POLN: variants seen among roughly 807,000 people sequenced by gnomAD.
POLN encodes DNA polymerase nu, also known as DNA polymerase N.
POLN carries 108 observed loss-of-function variants against 113.5 expected under a neutral mutation model. The ratio of observed to expected loss-of-function variants is 0.95; its 90% confidence interval spans 0.81 to 1.12. The LOEUF is 1.12. Among genes scored for constraint, POLN ranks in the 50% most tolerant of loss-of-function variants. The pLI is 0.00. For synonymous variants in POLN, 386 were observed against 391.5 expected, an observed-to-expected ratio of 0.99 and a Z score of 0.17; for missense variants, 1,097 against 1,077.1, an observed-to-expected ratio of 1.02 and a Z score of -0.26.
intron 5 of POLN, 88 bp from the exon 6 acceptor site, chr4:2,198,805 G>A: frequency 8.1e-7 from 1 of 1,241,092 alleles, no homozygotes; most frequent in Non-Finnish European, 1.1e-6. Context: ...GAGAGAAAGA[G>A]AAAAGGCCTA....
chr4:2,233,324 A>G (rs1375358578), intron 2 of POLN, among the ~76,000 whole-genome samples: 1 of 152,200 alleles, frequency 6.6e-6, no homozygotes, highest in Non-Finnish European at 1.5e-5. Context: ...TAATAGAAAC[A>G]CAAGTTAAAA....
rs758425624 is a variant in POLN, at chr4:2,207,986, C to G, written c.714+1G>C. The G allele has an allele frequency of 2.5e-6, 4 of 1,591,926 alleles. No homozygotes were observed. The highest frequency in any genetic ancestry group is 1.2e-5 in the South Asian group (1 of 86,724). The stretch of plus-strand genomic sequence containing the variant: ...AAATAAAAACATCACTGTTTACTAA[C>G]CTGGTCAGCTCCTAGCTGGGTGGAA... On this transcript the variant is annotated splice_donor_variant, in intron 5 of 25. Transcript: ENST00000511885. LOFTEE classifies it high-confidence loss of function.
rs116500431 is a variant in POLN, at chr4:2,221,514, A to G, written c.133+7585T>C. ...TTTATGTAAAAATACAGATTCACTA[A>G]ATTGTGTATTCAGTGGAAGGCTGAT... On this transcript the variant is annotated intron_variant, in intron 3 of 25. Coordinates refer to ENST00000511885, the MANE Select transcript of POLN (RefSeq NM_181808.4). 2.1e-3 allele frequency among the ~76,000 whole-genome samples: 321 copies of G among 152,216 alleles called. 1 individual carries two copies. The highest frequency in any genetic ancestry group is 7.2e-3 in the African/African-American group (301 of 41,528).
intron 20 of POLN, among the ~76,000 whole-genome samples, chr4:2,091,700 C>T (rs536797713): frequency 6.6e-5 from 10 of 152,222 alleles, no homozygotes; most frequent in African/African-American, 2.2e-4. Context: ...AAATCCTACA[C>T]GAACACACAA....
chr4:2,204,347 T>C (rs1017513364), intron 5 of POLN, among the ~76,000 whole-genome samples: 3 of 152,072 alleles, frequency 2.0e-5, no homozygotes, highest in Non-Finnish European at 4.4e-5. Context: ...CTAGAGGATA[T>C]GGATAAATTC....
chr4:2,125,688 C>T (rs993795873), intron 19 of POLN, among the ~76,000 whole-genome samples: 1 of 152,154 alleles, frequency 6.6e-6, no homozygotes, highest in Non-Finnish European at 1.5e-5. Context: ...AGCTGATGGG[C>T]TGAGCGGAGA....
At chr4:2,197,039 G>A (rs888972873) in intron 6 of POLN, among the ~76,000 whole-genome samples, 1 of 152,206 alleles carries the variant, frequency 6.6e-6, no homozygotes, top group Non-Finnish European at 1.5e-5. Flanking sequence ...AGAGTAAGCA[G>A]ACCTCGAGGG....
At chr4:2,106,315 T>C (rs1731065263) in intron 19 of POLN, among the ~76,000 whole-genome samples, 1 of 152,224 alleles carries the variant, frequency 6.6e-6, no homozygotes, top group Admixed American at 6.5e-5. Context: ...GGCATGAATA[T>C]CTTAACTACG....
intron 7 of POLN, among the ~76,000 whole-genome samples, chr4:2,183,364 G>T (rs1733190314): frequency 6.6e-6 from 1 of 152,132 alleles, no homozygotes; most frequent in Admixed American, 6.5e-5. Flanking sequence ...GTTCATAGAA[G>T]CATTAATCAT....
intron 16 of POLN, among the ~76,000 whole-genome samples, chr4:2,140,425 T>G (rs1731970311): frequency 6.6e-6 from 1 of 152,202 alleles, no homozygotes; most frequent in African/African-American, 2.4e-5. Flanking sequence ...TTGTAACTCT[T>G]ATTTCTGCTG....
At chr4:2,177,297 C>T (rs1046987894) in intron 8 of POLN, 1 of 484,860 alleles carries the variant, frequency 2.1e-6, no homozygotes, top group Non-Finnish European at 4.1e-6. Flanking sequence ...ATGCCTCCTT[C>T]TCCCCAGGTT....
intron 23 of POLN, 69 bp downstream of exon 23, chr4:2,080,889 C>T (rs891292472): frequency 3.7e-5 from 59 of 1,609,738 alleles, no homozygotes; most frequent in Middle Eastern, 3.3e-4. Context: ...GAATCACGAG[C>T]CCCGAGGGGG....
intron 5 of POLN, among the ~76,000 whole-genome samples, chr4:2,207,124 T>C (rs1733865150): frequency 6.6e-6 from 1 of 152,254 alleles, no homozygotes; most frequent in Admixed American, 6.5e-5. Context: ...TGGAGACTAC[T>C]ATTCTAAGTG....
chr4:2,240,472 T>C (rs1734939293), intron 2 of POLN: 1 of 1,613,940 alleles, frequency 6.2e-7, no homozygotes, highest in Non-Finnish European at 8.5e-7. Flanking sequence ...ATCTTAGTGA[T>C]CATTGCATTT....
intron 3 of POLN, among the ~76,000 whole-genome samples, chr4:2,222,399 A>AC (rs945131048): frequency 1.3e-5 from 2 of 152,046 alleles, no homozygotes; most frequent in African/African-American, 4.8e-5. Context: ...AAACAAACAA[A>AC]AAAAAAACTA....
chr4:2,206,242 T>A (rs900667595), intron 5 of POLN, among the ~76,000 whole-genome samples: 1 of 152,140 alleles, frequency 6.6e-6, no homozygotes, highest in African/African-American at 2.4e-5. Flanking sequence ...TATACAAACA[T>A]CAGCTCAAGA....
chr4:2,099,716 T>G (rs1368549333), intron 19 of POLN, among the ~76,000 whole-genome samples: 1 of 152,234 alleles, frequency 6.6e-6, no homozygotes, highest in East Asian at 1.9e-4. Context: ...GTTCATTCAT[T>G]GTGACAAATG....
At position 2,131,262 on chromosome 4, in the gene POLN, A is replaced by G; in HGVS notation, c.1760T>C (p.Ile587Thr). Reference sequence around the variant, plus strand: ...AAAATTCTTAGGTGTAGTAATCTGAATTGGGTGCTTGGAGATACCTTGGAT... The same window carrying G: ...AAAATTCTTAGGTGTAGTAATCTGAGTTGGGTGCTTGGAGATACCTTGGAT... ...PNIQGISKHPIQITTPKNFKG... is the reference protein window; with the variant it reads ...PNIQGISKHPTQITTPKNFKG... The change falls in exon 17 of 26, where the codon ATT becomes ACT. Residue 587 changes from isoleucine (I) to threonine (T), a missense_variant. Transcript: ENST00000511885. The G allele has an allele frequency of 1.9e-6, 3 of 1,593,690 alleles. No individual in the cohort carries two copies. In the South Asian group the frequency reaches 3.3e-5, roughly 18 times the overall value.
intron 3 of POLN, among the ~76,000 whole-genome samples, chr4:2,224,298 A>G (rs971948612): frequency 2.0e-5 from 3 of 152,204 alleles, no homozygotes; most frequent in African/African-American, 7.2e-5. Flanking sequence ...ACTAATACAT[A>G]TGGAGCTGTC....
Sources: allele counts gnomAD v4.1 joint callset (sites outside exome capture counted in the v4.1 genomes callset), GRCh38; gene constraint gnomAD v4.1.1; transcripts MANE v1.5; gene names NCBI Gene and HGNC (gene_info 2026-07-23, HGNC 2026-07-21).